The following RNGTT variants were observed in gnomAD, a reference collection of about 807,000 sequenced individuals.
RNGTT encodes mRNA-capping enzyme.
RNGTT carries 33 observed loss-of-function variants against 79.3 expected under a neutral mutation model. The ratio of observed to expected loss-of-function variants is 0.42; its 90% CI spans 0.32 to 0.56. The LOEUF (loss-of-function observed/expected upper bound fraction) is 0.56, where lower values mean the gene tolerates loss of function less well. Ranked by LOEUF, RNGTT falls within the 20% of genes least tolerant of loss-of-function variation. The pLI is 0.17. For synonymous variants in RNGTT, 222 were observed against 235.9 expected (o/e 0.94, Z 0.54); for missense variants, 497 against 739.1 (o/e 0.67, Z 3.80).
chr6:88,742,996 G>A (rs1386130216), intron 13 of RNGTT, among the ~76,000 whole-genome samples: 2 of 152,150 alleles, frequency 1.3e-5, no homozygotes, highest in Non-Finnish European at 2.9e-5. Flanking sequence ...GCATTACAGG[G>A]CTAGTCCTAC....
At chr6:88,657,233 A>C (rs562398842) in intron 14 of RNGTT, among the ~76,000 whole-genome samples, 1 of 152,306 alleles carries the variant, frequency 6.6e-6, no homozygotes, top group South Asian at 2.1e-4. Flanking sequence ...TCTGCTTCTG[A>C]ACATATATCC....
At chr6:88,780,568 T>A (rs1413106979) in intron 12 of RNGTT, among the ~76,000 whole-genome samples, 1 of 152,142 alleles carries the variant, frequency 6.6e-6, no homozygotes, top group Non-Finnish European at 1.5e-5. Flanking sequence ...ATCAGAGCTA[T>A]AGTTAACTGA....
chr6:88,867,605 C>G (rs924558571), intron 8 of RNGTT, among the ~76,000 whole-genome samples: 2 of 151,962 alleles, frequency 1.3e-5, no homozygotes, highest in South Asian at 4.2e-4. Context: ...AAGAATCTGT[C>G]CAAAAGTTAT....
At chr6:88,945,035 G>A (rs917965239) in intron 1 of RNGTT, among the ~76,000 whole-genome samples, 12 of 152,302 alleles carry the variant, frequency 7.9e-5, no homozygotes, top group East Asian at 1.9e-4. Flanking sequence ...GTCCATCCAC[G>A]GCCTTGGTAG....
chr6:88,771,701 C>A (rs1448415206), intron 12 of RNGTT, among the ~76,000 whole-genome samples: 1 of 152,068 alleles, frequency 6.6e-6, no homozygotes, highest in Non-Finnish European at 1.5e-5. Flanking sequence ...TCCATTTACT[C>A]ATCCTTAAAT....
intron 1 of RNGTT, among the ~76,000 whole-genome samples, chr6:88,952,128 G>A (rs1265567585): frequency 6.6e-6 from 1 of 152,000 alleles, no homozygotes; most frequent in African/African-American, 2.4e-5. Context: ...ATGGGAGCTG[G>A]GTGAAGCCTT....
chr6:88,907,443 C>T (rs998484545), intron 4 of RNGTT, among the ~76,000 whole-genome samples: 9 of 151,282 alleles, frequency 5.9e-5, no homozygotes, highest in African/African-American at 2.2e-4. Context: ...TCCTCCTTCA[C>T]ATGCCCTCTC....
intron 12 of RNGTT, among the ~76,000 whole-genome samples, chr6:88,773,151 TG>T (rs1219327660): frequency 6.6e-6 from 1 of 150,682 alleles, no homozygotes; most frequent in African/African-American, 2.4e-5. Context: ...TAAAAAATGA[TG>T]AGTTCATGCC....
At position 88,805,356 on chromosome 6, in the gene RNGTT, T is replaced by C. The variant is rs180855871; in HGVS notation, c.1270-3724A>G. 4.0e-3 allele frequency among the ~76,000 whole-genome samples: 604 copies of C among 152,282 alleles called. 3 individuals are homozygous for C. Among genetic ancestry groups the C allele is most frequent in the Non-Finnish European group, 6.4e-3 (434 of 68,014 alleles). ...CCCAAAACACAAGAGATACAAACTT[T>C]TTCTCAGGCTTCTATCAGGCTTCAC... On this transcript the variant is annotated intron_variant, in intron 11 of 15. Coordinates refer to ENST00000369485, the MANE Select transcript of RNGTT (RefSeq NM_003800.5).
rs562190652 is a variant in RNGTT, at chr6:88,754,311, TA to T, written c.1439+15462del. 1.3e-3 allele frequency among the ~76,000 whole-genome samples: 195 copies of T among 152,256 alleles called. 1 individual carries two copies. The highest frequency in any genetic ancestry group is 2.4e-3 in the Non-Finnish European group (160 of 68,030). Reference sequence around the variant, plus strand: ...GAGAAGAGTACAGGCCACTGAAATCTAAAAACCCTAGAGATCAGGTCAACAT... The same window carrying T: ...GAGAAGAGTACAGGCCACTGAAATCTAAAACCCTAGAGATCAGGTCAACAT... On this transcript the variant is annotated intron_variant, in intron 13 of 15. Transcript: ENST00000369485.
intron 14 of RNGTT, among the ~76,000 whole-genome samples, chr6:88,615,070 A>G (rs1232479336): frequency 6.6e-6 from 1 of 152,234 alleles, no homozygotes; most frequent in Non-Finnish European, 1.5e-5. Context: ...AAAGCTAACA[A>G]GTATCCATGG....
At chr6:88,934,048 G>C (rs956683531) in intron 2 of RNGTT, among the ~76,000 whole-genome samples, 2 of 152,024 alleles carry the variant, frequency 1.3e-5, no homozygotes, top group Non-Finnish European at 2.9e-5. Context: ...TTTTGAGAGA[G>C]AGACAGGGTT....
intron 14 of RNGTT, among the ~76,000 whole-genome samples, chr6:88,669,937 T>C (rs1462202489): frequency 2.0e-5 from 3 of 152,214 alleles, no homozygotes; most frequent in Non-Finnish European, 4.4e-5. Flanking sequence ...CAAACCCCCA[T>C]TTACATGCTC....
intron 13 of RNGTT, among the ~76,000 whole-genome samples, chr6:88,765,372 G>C (rs893882863): frequency 1.3e-5 from 2 of 151,828 alleles, no homozygotes; most frequent in Non-Finnish European, 2.9e-5. Context: ...ATTCTGCTGA[G>C]GTTCAATTAA....
chr6:88,670,501 A>G (rs527672610), intron 14 of RNGTT, among the ~76,000 whole-genome samples: 8 of 152,210 alleles, frequency 5.3e-5, no homozygotes, highest in Non-Finnish European at 7.4e-5. Context: ...AAAGGGGGGA[A>G]TAAGGAAGGA....
intron 6 of RNGTT, among the ~76,000 whole-genome samples, chr6:88,893,567 T>C (rs1055341683): frequency 1.3e-5 from 2 of 152,156 alleles, no homozygotes; most frequent in African/African-American, 2.4e-5. Flanking sequence ...AATATTTTAA[T>C]AACATTTCTA....
At chr6:88,742,212 G>C (rs1239911338) in intron 13 of RNGTT, among the ~76,000 whole-genome samples, 1 of 152,152 alleles carries the variant, frequency 6.6e-6, no homozygotes, top group Non-Finnish European at 1.5e-5. Context: ...GATAAAGGTA[G>C]AAAGTTGAGC....
intron 12 of RNGTT, among the ~76,000 whole-genome samples, chr6:88,784,478 G>A (rs1296732219): frequency 6.6e-6 from 1 of 152,102 alleles, no homozygotes; most frequent in African/African-American, 2.4e-5. Flanking sequence ...GATAGTTGAA[G>A]GATAAATGGG....
chr6:88,720,019 G>A (rs1328878801), intron 13 of RNGTT, among the ~76,000 whole-genome samples: 1 of 152,178 alleles, frequency 6.6e-6, no homozygotes, highest in African/African-American at 2.4e-5. Context: ...CCTACTCTGT[G>A]GCTAGCGGTT....
Sources: gnomAD v4.1 joint callset for allele counts (sites outside exome capture counted in the v4.1 genomes callset) on GRCh38, gnomAD v4.1.1 for gene constraint, MANE v1.5 for transcripts, NCBI Gene and HGNC (gene_info 2026-07-23, HGNC 2026-07-21) for gene names.